The following PRKCQ variants were observed in gnomAD, a reference collection of about 807,000 sequenced individuals.
PRKCQ encodes the protein protein kinase C theta.
PRKCQ carries 41 observed loss-of-function variants against 91.2 expected under a neutral mutation model. That is an observed-to-expected ratio of 0.45 (90% confidence interval 0.35 to 0.58). The LOEUF is 0.58. Among genes scored for constraint, PRKCQ ranks in the 20% least tolerant of loss-of-function variants. PRKCQ has a pLI of 0.00. For synonymous variants in PRKCQ, 307 were observed against 316.9 expected (o/e 0.97, Z 0.33); for missense variants, 673 against 896.5 (o/e 0.75, Z 3.18).
intron 1 of PRKCQ, among the ~76,000 whole-genome samples, chr10:6,565,704 A>C (rs932635447): frequency 6.6e-6 from 1 of 152,246 alleles, no homozygotes; most frequent in Non-Finnish European, 1.5e-5. Context: ...CTAGGGAAGA[A>C]TCCCGGGAGG....
intron 15 of PRKCQ, among the ~76,000 whole-genome samples, chr10:6,451,374 C>G (rs1834666199): frequency 1.3e-5 from 2 of 151,998 alleles, no homozygotes; most frequent in African/African-American, 4.8e-5. Context: ...AAGACTAAAC[C>G]AGGAAGAAGT....
At chr10:6,562,905 T>C (rs1840687757) in intron 1 of PRKCQ, among the ~76,000 whole-genome samples, 2 of 152,190 alleles carry the variant, frequency 1.3e-5, no homozygotes, top group African/African-American at 4.8e-5. Flanking sequence ...GCTATAATTA[T>C]TATATACTCA....
intron 1 of PRKCQ, among the ~76,000 whole-genome samples, chr10:6,570,493 G>A (rs1033541937): frequency 6.6e-6 from 1 of 151,778 alleles, no homozygotes; most frequent in African/African-American, 2.4e-5. Context: ...CCAAGAACAA[G>A]AAAGAAATGG....
At chr10:6,404,430 TTCTC>T in the PRKCQ span, among the ~76,000 whole-genome samples, 13 of 109,300 alleles carry the variant, frequency 1.2e-4, no homozygotes, top group Middle Eastern at 5.7e-3. Context: ...TTCTCTTTCT[TTCTC>T]TCTTTCTTTC....
the PRKCQ span, among the ~76,000 whole-genome samples, chr10:6,409,363 C>T: frequency 6.6e-6 from 1 of 152,162 alleles, no homozygotes; most frequent in Non-Finnish European, 1.5e-5. Flanking sequence ...GGCACGATCT[C>T]GGCTCACTGC....
At chr10:6,501,746 C>T (rs1247322056) in intron 4 of PRKCQ, among the ~76,000 whole-genome samples, 2 of 151,978 alleles carry the variant, frequency 1.3e-5, no homozygotes, top group Non-Finnish European at 2.9e-5. Flanking sequence ...ATCGCTTGAA[C>T]TCGGGAGGCG....
chr10:6,564,476 A>T (rs945996515), intron 1 of PRKCQ, among the ~76,000 whole-genome samples: 2 of 151,798 alleles, frequency 1.3e-5, no homozygotes, highest in African/African-American at 2.4e-5. Flanking sequence ...CTGGCCCGTG[A>T]CCTGTTTTTC....
At chr10:6,544,680 G>T (rs1025764420) in intron 1 of PRKCQ, among the ~76,000 whole-genome samples, 8 of 151,372 alleles carry the variant, frequency 5.3e-5, no homozygotes, top group Non-Finnish European at 1.2e-4. Context: ...GAGTGCAGTG[G>T]CATGATCCAG....
chr10:6,443,409 C>CT (rs1201228729), intron 15 of PRKCQ, among the ~76,000 whole-genome samples: 2 of 152,162 alleles, frequency 1.3e-5, no homozygotes, highest in Admixed American at 6.5e-5. Flanking sequence ...GATATGGACT[C>CT]TAAGTGTCCA....
chr10:6,544,766 A>G (rs1442662866), intron 1 of PRKCQ, among the ~76,000 whole-genome samples: 1 of 151,964 alleles, frequency 6.6e-6, no homozygotes, highest in East Asian at 1.9e-4. Context: ...GACAACAGGC[A>G]CGTACCACCG....
chr10:6,462,311 T>A lies in PRKCQ; in HGVS notation c.1500A>T (p.Ile500=). 6.2e-7 allele frequency: 1 copy of A among 1,613,740 alleles called. No individual in the cohort carries two copies. Among genetic ancestry groups the A allele is most frequent in the Non-Finnish European group, 8.5e-7 (1 of 1,179,712 alleles). Residue 500 remains isoleucine (I), a synonymous_variant, in exon 14 of 18, where the codon ATA becomes ATT. Coordinates refer to ENST00000263125, the MANE Select transcript of PRKCQ (RefSeq NM_006257.5). ...LGLQFLHSKG[I]VYRDLKLDNI... is the part of the protein sequence containing the mutation. ...CACAAAGCAAAATTTACCTGTAGAC[T>A]ATTCCTTTGGAATGAAGGAACTGCA...
intron 2 of PRKCQ, among the ~76,000 whole-genome samples, chr10:6,513,857 C>CA (rs1394560372): frequency 1.3e-5 from 2 of 152,170 alleles, no homozygotes; most frequent in Non-Finnish European, 2.9e-5. Flanking sequence ...CTTGTATCTG[C>CA]AAATGTCCCT....
In PRKCQ at chr10:6,430,077, A is replaced by G. The variant is rs1833335675; in HGVS notation, c.1965+733T>C. ...ACCATGTTGGCCAGGCTGACCTCGA[A>G]CTCCTGACCTCAGGTGATCCACCCG... On this transcript the variant is annotated intron_variant, in intron 17 of 17. Transcript: ENST00000263125. This position sits in a 1 kb window ranked among gnomAD's most constrained non-coding sequence, Gnocchi z 4.7. Among the ~76,000 whole-genome samples the G allele has an allele frequency of 6.6e-6, 1 of 151,912 alleles. No homozygotes were observed. The highest frequency in any genetic ancestry group is 1.5e-5 in the Non-Finnish European group (1 of 67,980).
the PRKCQ span, among the ~76,000 whole-genome samples, chr10:6,413,588 G>GCA: frequency 4.4e-3 from 104 of 23,714 alleles, 31 homozygotes; most frequent in East Asian, 0.017. Context: ...TGCCACTTGT[G>GCA]CACACACACA....
intron 15 of PRKCQ, among the ~76,000 whole-genome samples, chr10:6,455,581 A>G (rs1185881381): frequency 6.6e-6 from 1 of 152,238 alleles, no homozygotes; most frequent in Non-Finnish European, 1.5e-5. Flanking sequence ...TCACACGTTT[A>G]TTAGTTAGTT....
intron 1 of PRKCQ, among the ~76,000 whole-genome samples, chr10:6,569,770 T>C (rs533120110): frequency 6.6e-6 from 1 of 152,076 alleles, no homozygotes; most frequent in African/African-American, 2.4e-5. Flanking sequence ...GTGCAGCAGG[T>C]GATGTCTATG....
chr10:6,458,087 G>A (rs61840396), intron 14 of PRKCQ, among the ~76,000 whole-genome samples: 13,079 of 152,088 alleles, frequency 0.086, 636 homozygotes, highest in Middle Eastern at 0.18. Context: ...GTGTGCCATC[G>A]CCATGCCTGG....
chr10:6,441,974 C>A lies in PRKCQ; in HGVS notation c.1755G>T (p.Glu585Asp). ...GQSPFHGQDEEELFHSIRMDN... is the reference protein window; with the variant it reads ...GQSPFHGQDEDELFHSIRMDN... ...CCATGCGGATGGAGTGGAAGAGCTC[C>A]TCCTCATCCTGCCCGTGGAAAGGCG... is the stretch of plus-strand genomic sequence containing the variant. Residue 585 changes from glutamate to aspartate, a missense_variant, in exon 16 of 18, where the codon GAG becomes GAT. Transcript: ENST00000263125. The A allele has an allele frequency of 6.2e-7, 1 of 1,614,112 alleles. No homozygotes were observed.
chr10:6,563,058 C>A (rs1386737221), intron 1 of PRKCQ, among the ~76,000 whole-genome samples: 1 of 152,048 alleles, frequency 6.6e-6, no homozygotes, highest in Non-Finnish European at 1.5e-5. Flanking sequence ...TCAGCTGCCA[C>A]CTCCCCTCCC....
Sources: gnomAD v4.1 joint callset for allele counts (sites outside exome capture counted in the v4.1 genomes callset) on GRCh38, gnomAD v4.1.1 for gene constraint, Gnocchi (gnomAD v3.1) non-coding constraint, MANE v1.5 for transcripts, NCBI Gene and HGNC (gene_info 2026-07-23, HGNC 2026-07-21) for gene names.